Variants in L3MBTL4 observed in about 807,000 individuals in gnomAD.
L3MBTL4 encodes the protein L3MBTL histone methyl-lysine binding protein 4.
Under a neutral mutation model 84.5 loss-of-function variants are expected in L3MBTL4, and 70 were observed. The ratio of observed to expected loss-of-function variants is 0.83; its 90% confidence interval spans 0.68 to 1.01. The LOEUF is 1.01. L3MBTL4 is among the 50% of genes least tolerant of loss of function. The probability of loss-of-function intolerance (pLI) is 0.00; values close to 1 mark genes in which losing one functional copy is unlikely to be tolerated. For missense variants in L3MBTL4, 715 were observed against 754.8 expected (o/e 0.95, Z 0.62); for synonymous variants, 274 against 259.8 (o/e 1.05, Z -0.52).
intron 1 of L3MBTL4, among the ~76,000 whole-genome samples, chr18:6,376,443 T>C (rs1245741215): frequency 6.6e-6 from 1 of 152,192 alleles, no homozygotes; most frequent in Non-Finnish European, 1.5e-5. Flanking sequence ...ACAGGGTACA[T>C]AAAGTAAGGC....
intron 15 of L3MBTL4, among the ~76,000 whole-genome samples, chr18:6,089,805 T>C (rs537424172): frequency 2.0e-5 from 3 of 152,320 alleles, no homozygotes; most frequent in African/African-American, 7.2e-5. Flanking sequence ...GTTATTATCA[T>C]TGATATTTCT....
chr18:6,163,272 G>GGTGT (rs71163264), intron 13 of L3MBTL4, among the ~76,000 whole-genome samples: 60 of 94,872 alleles, frequency 6.3e-4, no homozygotes, highest in Non-Finnish European at 2.9e-4. Flanking sequence ...GGGGGGGGTG[G>GGTGT]GTGTGTGTGT....
chr18:6,359,061 T>A (rs182162710), intron 1 of L3MBTL4, among the ~76,000 whole-genome samples: 61 of 152,358 alleles, frequency 4.0e-4, no homozygotes, highest in Non-Finnish European at 8.5e-4. Flanking sequence ...AGCCCAGACC[T>A]GCAACACAAG....
At chr18:6,385,573 C>T (rs2054785027) in intron 1 of L3MBTL4, among the ~76,000 whole-genome samples, 1 of 152,174 alleles carries the variant, frequency 6.6e-6, no homozygotes. Context: ...CCACCATCTC[C>T]ATTCAAAGCA....
intron 14 of L3MBTL4, among the ~76,000 whole-genome samples, chr18:6,126,796 T>G (rs776790198): frequency 2.0e-4 from 31 of 152,224 alleles, no homozygotes; most frequent in Non-Finnish European, 3.2e-4. Context: ...AATTGGGTAA[T>G]TAATCATGTC....
chr18:6,031,274 A>G (rs527871653), intron 16 of L3MBTL4: 1 of 985,472 alleles, frequency 1.0e-6, no homozygotes, highest in African/African-American at 1.7e-5. Context: ...AGCACAGCAG[A>G]ATGGTGAACA....
intron 1 of L3MBTL4, among the ~76,000 whole-genome samples, chr18:6,383,802 T>C (rs1599857921): frequency 6.6e-6 from 1 of 152,316 alleles, no homozygotes; most frequent in East Asian, 1.9e-4. Context: ...CCTAAGTTTT[T>C]TGCTTTGGTA....
At chr18:6,216,597 A>G (rs999518085) in intron 10 of L3MBTL4, among the ~76,000 whole-genome samples, 1 of 151,986 alleles carries the variant, frequency 6.6e-6, no homozygotes, top group Non-Finnish European at 1.5e-5. Context: ...TGTTTTGTCA[A>G]ATTGAATTAT....
chr18:6,270,956 T>C (rs1159240696), intron 4 of L3MBTL4, among the ~76,000 whole-genome samples: 10 of 152,260 alleles, frequency 6.6e-5, no homozygotes, highest in East Asian at 1.9e-4. Context: ...AGACTGAGAA[T>C]GGCAACACAA....
chr18:6,293,314 T>C (rs1330223951), intron 4 of L3MBTL4, among the ~76,000 whole-genome samples: 2 of 152,078 alleles, frequency 1.3e-5, no homozygotes, highest in African/African-American at 4.8e-5. Flanking sequence ...ATTCAACGTC[T>C]GGGGCAAGGA....
rs535694980 is a variant in L3MBTL4 at position 6,168,359 on chromosome 18, C to T, written c.1096+3469G>A. Among the ~76,000 whole-genome samples the T allele has an allele frequency of 4.7e-3, 710 of 152,136 alleles. 1 individual carries two copies. The highest frequency in any genetic ancestry group is 0.017 in the African/African-American group (685 of 41,500). ...GTTCATATGGAACCAAAAAAGAGCC[C>T]GCATTGCCAAGTCAATCCTAAGCCA... On this transcript the variant is annotated intron_variant, in intron 13 of 18. Coordinates refer to ENST00000317931, the MANE Select transcript of L3MBTL4 (RefSeq NM_001330559.2).
At chr18:6,412,115 G>A (rs935810404) in intron 1 of L3MBTL4, among the ~76,000 whole-genome samples, 1 of 152,080 alleles carries the variant, frequency 6.6e-6, no homozygotes, top group Non-Finnish European at 1.5e-5. Context: ...GTATCCATTA[G>A]TTATTCTTCC....
At chr18:6,294,781 T>C (rs968650581) in intron 4 of L3MBTL4, among the ~76,000 whole-genome samples, 9 of 152,146 alleles carry the variant, frequency 5.9e-5, no homozygotes, top group African/African-American at 1.9e-4. Flanking sequence ...ACTCTTACTA[T>C]CCACCAGGGA....
chr18:6,375,967 G>A (rs377025220), intron 1 of L3MBTL4, among the ~76,000 whole-genome samples: 2 of 152,098 alleles, frequency 1.3e-5, no homozygotes, highest in South Asian at 4.1e-4. Context: ...ACAGTGTTGT[G>A]GCTAAGAACT....
intron 1 of L3MBTL4, among the ~76,000 whole-genome samples, chr18:6,360,777 G>A (rs2053654860): frequency 6.6e-6 from 1 of 152,028 alleles, no homozygotes; most frequent in South Asian, 2.1e-4. Flanking sequence ...ACTGCTTGAG[G>A]CCAGGAGTTC....
At chr18:6,267,012 G>T (rs943252299) in intron 4 of L3MBTL4, among the ~76,000 whole-genome samples, 1 of 151,918 alleles carries the variant, frequency 6.6e-6, no homozygotes, top group Admixed American at 6.6e-5. Context: ...AAAATGTTAC[G>T]TGGAAATTTT....
chr18:6,162,484 T>C (rs1448989405), intron 13 of L3MBTL4, among the ~76,000 whole-genome samples: 2 of 152,236 alleles, frequency 1.3e-5, no homozygotes, highest in Non-Finnish European at 2.9e-5. Context: ...TATTCATATA[T>C]GATAAAATAC....
intron 15 of L3MBTL4, among the ~76,000 whole-genome samples, chr18:6,091,896 A>G (rs1259200841): frequency 6.6e-6 from 1 of 152,204 alleles, no homozygotes; most frequent in Non-Finnish European, 1.5e-5. Context: ...TGATTCTGGA[A>G]TAAATAAGCA....
At chr18:6,056,416 A>C (rs1257472993) in intron 16 of L3MBTL4, among the ~76,000 whole-genome samples, 1 of 152,184 alleles carries the variant, frequency 6.6e-6, no homozygotes, top group Non-Finnish European at 1.5e-5. Context: ...GGCCCCTGCT[A>C]GGCAGGAGGC....
Sources: allele counts gnomAD v4.1 joint callset (sites outside exome capture counted in the v4.1 genomes callset), GRCh38; gene constraint gnomAD v4.1.1; transcripts MANE v1.5; gene names NCBI Gene and HGNC (gene_info 2026-07-23, HGNC 2026-07-21).